The following R3HDM1 variants were observed in gnomAD, a reference collection of about 807,000 sequenced individuals.
R3HDM1 encodes R3H domain-containing protein 1.
A neutral mutation model predicts 141.1 loss-of-function variants in R3HDM1; 46 were observed. The observed-to-expected ratio is 0.33, with a 90% CI of 0.26 to 0.42. R3HDM1 has a LOEUF of 0.42. R3HDM1 is among the 10% of genes least tolerant of loss of function. The pLI, the probability that R3HDM1 is intolerant of heterozygous loss-of-function variation, is 1.00. For synonymous variants in R3HDM1, 435 were observed against 472.9 expected (o/e 0.92, Z 1.04); for missense variants, 1,184 against 1,368.3 (o/e 0.87, Z 2.12).
intron 1 of R3HDM1, chr2:135,558,977 G>A: frequency 1.0e-6 from 1 of 975,368 alleles, no homozygotes. Flanking sequence ...TTTTTAGCCT[G>A]TCTTAACTTT....
rs56860646 is a variant in R3HDM1, at chr2:135,626,209, GTGCT to G, written c.497+3514_497+3517del. On this transcript the variant is annotated intron_variant, in intron 7 of 26. Transcript: ENST00000683871. ...CGTGCGTGCGTGCGTGCGTGCGTGC[GTGCT>G]TGCTTGCTTGCTTGCTTGCTTGCTT... is the stretch of plus-strand genomic sequence containing the variant. Among the ~76,000 whole-genome samples the G allele has an allele frequency of 2.8e-3, 406 of 143,434 alleles. 1 individual carries two copies. The highest frequency in any genetic ancestry group is 5.4e-3 in the South Asian group (25 of 4,670). The allele number at this position is 143,434 out of a possible 152,430, so 94.1% of individuals were successfully genotyped here.
chr2:135,569,717 T>TC (rs1703625624), intron 1 of R3HDM1, among the ~76,000 whole-genome samples: 3 of 132,708 alleles, frequency 2.3e-5, no homozygotes. Flanking sequence ...TATAGTAAGC[T>TC]CTTTTTTTTT....
At chr2:135,633,197 A>C (rs2062890518) in intron 9 of R3HDM1, among the ~76,000 whole-genome samples, 1 of 152,140 alleles carries the variant, frequency 6.6e-6, no homozygotes, top group Non-Finnish European at 1.5e-5. Context: ...CTTCGTCTTT[A>C]ATATTCTTTT....
rs1048645802 is a variant in R3HDM1, at chr2:135,694,974, T to A, written c.2460-14459T>A. Among the ~76,000 whole-genome samples the A allele has an allele frequency of 2.6e-5, 4 of 152,092 alleles. No homozygotes were observed. In the South Asian group the frequency reaches 8.3e-4, roughly 31 times the overall value. ...TACAGGAAGCAACAAGTAGAGGACT[T>A]AAAAGGACACTATCTCAATATGGAG... is the stretch of plus-strand genomic sequence containing the variant. On this transcript the variant is annotated intron_variant, in intron 21 of 26. Transcript: ENST00000683871.
chr2:135,675,279 C>T, intron 19 of R3HDM1, 53 bp from the exon 20 acceptor site: 1 of 1,483,182 alleles, frequency 6.7e-7, no homozygotes. Context: ...TTTTTTAAAT[C>T]TTACTAGATG....
chr2:135,609,680 T>C (rs992635529), intron 3 of R3HDM1, among the ~76,000 whole-genome samples: 4 of 152,214 alleles, frequency 2.6e-5, no homozygotes, highest in Admixed American at 1.3e-4. Context: ...TTTGATTTCC[T>C]GTGTATAACT....
At chr2:135,666,780 G>A (rs1465987017) in intron 19 of R3HDM1, among the ~76,000 whole-genome samples, 2 of 152,060 alleles carry the variant, frequency 1.3e-5, no homozygotes, top group Non-Finnish European at 2.9e-5. Context: ...CACCCATGGG[G>A]CTGGCTTTAG....
At position 135,709,439 on chromosome 2, in the gene R3HDM1, A is replaced by G. The variant is rs915842469; in HGVS notation, c.2466A>G (p.Ser822=). 6 of 1,613,918 alleles carry G rather than the reference A, an allele frequency of 3.7e-6. No homozygotes were observed. In the African/African-American group the frequency reaches 6.7e-5, roughly 18 times the overall value. The change falls in exon 22 of 27, where the codon TCA becomes TCG. Residue 822 remains serine (S), a synonymous_variant. Transcript: ENST00000683871. Reference sequence around the variant, plus strand: ...TTTTTTGTTTTTTCCATAGCTCTTCAGTAGGTTACCTGCAACATCCAGGAT... The same window carrying G: ...TTTTTTGTTTTTTCCATAGCTCTTCGGTAGGTTACCTGCAACATCCAGGAT... The part of the protein sequence containing the change: ...PPGQQNNLSS[S]VGYLQHPGSE...
At chr2:135,540,620 G>A (rs979796597) in intron 1 of R3HDM1, among the ~76,000 whole-genome samples, 4 of 151,990 alleles carry the variant, frequency 2.6e-5, no homozygotes, top group Admixed American at 2.0e-4. Context: ...GGTCTTGCTC[G>A]TAGCCCAGGC....
chr2:135,625,376 C>T (rs1203246804), intron 7 of R3HDM1, among the ~76,000 whole-genome samples: 1 of 151,880 alleles, frequency 6.6e-6, no homozygotes, highest in Non-Finnish European at 1.5e-5. Context: ...ATCTGGAAGG[C>T]AGAGGTTGCA....
intron 19 of R3HDM1, chr2:135,667,733 A>G (rs1362662831): frequency 9.2e-6 from 9 of 982,344 alleles, no homozygotes; most frequent in Non-Finnish European, 9.7e-6. Context: ...TCTCCTTCCT[A>G]ATCCTCAGCC....
chr2:135,645,599 A>T, intron 16 of R3HDM1, 72 bp downstream of exon 16: 1 of 1,505,092 alleles, frequency 6.6e-7, no homozygotes, highest in Non-Finnish European at 9.1e-7. Context: ...TTCGCTAATT[A>T]TAATTGAGAT....
In R3HDM1 at chr2:135,622,694, A is replaced by G. The variant is rs561808519; in HGVS notation, c.459A>G (p.Leu153=). 22 of 1,601,588 alleles carry G rather than the reference A, an allele frequency of 1.4e-5. No homozygotes were observed. In the South Asian group the frequency reaches 1.8e-4, roughly 13 times the overall value. Residue 153 remains leucine (L), a synonymous_variant, in exon 7 of 27, where the codon CTA becomes CTG. Transcript: ENST00000683871. ...ACACTGATTCAACTGGCATAGATCT[A>G]CATGAATTTTTAGTAAATACATTAA... The part of the protein sequence containing the change: ...QEYTDSTGID[L]HEFLVNTLKN...
chr2:135,576,921 A>C (rs1460568729), intron 1 of R3HDM1: 1 of 234,264 alleles, frequency 4.3e-6, no homozygotes, highest in Non-Finnish European at 7.0e-6. Context: ...ATGTTCTAAA[A>C]TTTATTGTGA....
At chr2:135,667,678 C>T (rs1209499772) in intron 19 of R3HDM1, 1 of 976,792 alleles carries the variant, frequency 1.0e-6, no homozygotes, top group Admixed American at 6.2e-5. Flanking sequence ...CTTCTTGTAG[C>T]ATTTTTGAAA....
chr2:135,645,164 C>T, intron 15 of R3HDM1: 1 of 388,412 alleles, frequency 2.6e-6, no homozygotes, highest in Non-Finnish European at 4.4e-6. Flanking sequence ...TGCAGTAAAA[C>T]ATTTGAATAT....
At chr2:135,573,069 A>G (rs987688414) in intron 1 of R3HDM1, among the ~76,000 whole-genome samples, 2 of 152,160 alleles carry the variant, frequency 1.3e-5, no homozygotes, top group Non-Finnish European at 2.9e-5. Flanking sequence ...ATATTCTAAA[A>G]TTGATTGTGA....
chr2:135,688,411 G>A (rs2071742507), intron 21 of R3HDM1, among the ~76,000 whole-genome samples: 3 of 152,146 alleles, frequency 2.0e-5, no homozygotes, highest in Admixed American at 2.0e-4. Context: ...TTATGAAAAA[G>A]ATGGAAAGGC....
intron 23 of R3HDM1, 54 bp downstream of exon 23, chr2:135,710,285 G>C (rs2105439119): frequency 2.6e-6 from 4 of 1,542,748 alleles, no homozygotes; most frequent in Non-Finnish European, 3.6e-6. Flanking sequence ...TGTTACCTAA[G>C]ATTGACTTAT....
Sources: allele counts gnomAD v4.1 joint callset (sites outside exome capture counted in the v4.1 genomes callset), GRCh38; gene constraint gnomAD v4.1.1; transcripts MANE v1.5; gene names NCBI Gene and HGNC (gene_info 2026-07-23, HGNC 2026-07-21).